Variants in SORCS2 observed in about 807,000 individuals in gnomAD.
SORCS2 encodes the protein sortilin related VPS10 domain containing receptor 2, also known as VPS10 domain-containing receptor SorCS2.
A neutral mutation model predicts 141.6 loss-of-function variants in SORCS2; 100 were observed. The observed-to-expected ratio is 0.71, with a 90% CI of 0.60 to 0.83. The LOEUF (loss-of-function observed/expected upper bound fraction) is 0.83. Among genes scored for constraint, SORCS2 ranks in the 40% least tolerant of loss-of-function variants. The pLI, the probability that SORCS2 is intolerant of heterozygous loss-of-function variation, is 0.00. For synonymous variants in SORCS2, 789 were observed against 676.9 expected, an observed-to-expected ratio of 1.17 and a Z score of -2.57; for missense variants, 1,646 against 1,560.2, an observed-to-expected ratio of 1.05 and a Z score of -0.93.
intron 1 of SORCS2, among the ~76,000 whole-genome samples, chr4:7,199,499 G>T (rs1727368510): frequency 6.6e-6 from 1 of 152,120 alleles, no homozygotes; most frequent in African/African-American, 2.4e-5. Flanking sequence ...CGTGGCCATT[G>T]CCTGTGCTGT....
intron 3 of SORCS2, among the ~76,000 whole-genome samples, chr4:7,538,723 G>A (rs982121893): frequency 6.6e-6 from 1 of 152,160 alleles, no homozygotes; most frequent in East Asian, 1.9e-4. Context: ...GATATGAGAA[G>A]CACAGGGTTA....
chr4:7,422,201 C>G (rs749061800), intron 2 of SORCS2, among the ~76,000 whole-genome samples: 2 of 152,236 alleles, frequency 1.3e-5, no homozygotes, highest in Non-Finnish European at 2.9e-5. Flanking sequence ...CATCCATTCT[C>G]TGACCTTCTC....
At chr4:7,724,313 G>GTGGTGGTGATAATGGTGACAATGGTGA (rs1726872276) in intron 19 of SORCS2, among the ~76,000 whole-genome samples, 1 of 138,842 alleles carries the variant, frequency 7.2e-6, no homozygotes, top group Non-Finnish European at 1.6e-5. Flanking sequence ...AATGGTGGTG[G>GTGGTGGTGATAATGGTGACAATGGTGA]TGGTGGTGGT....
At chr4:7,362,950 TCAC>T (rs367942301) in intron 1 of SORCS2, among the ~76,000 whole-genome samples, 4,751 of 48,062 alleles carry the variant, frequency 0.099, 288 homozygotes, top group African/African-American at 0.18. Flanking sequence ...AACATCACCA[TCAC>T]CACCATCATT....
At chr4:7,434,768 G>A (rs1727178019) in intron 2 of SORCS2, 1 of 1,612,728 alleles carries the variant, frequency 6.2e-7, no homozygotes, top group Non-Finnish European at 8.5e-7. Flanking sequence ...GCAGCTGTCT[G>A]CAGATCCTGA....
chr4:7,401,345 G>A (rs1478520983), intron 2 of SORCS2, among the ~76,000 whole-genome samples: 1 of 152,030 alleles, frequency 6.6e-6, no homozygotes, highest in African/African-American at 2.4e-5. Context: ...ATGGGTGGAT[G>A]GACTGATGGA....
At position 7,344,000 on chromosome 4, in the gene SORCS2, C is replaced by T. The variant is rs568503772; in HGVS notation, c.481-52288C>T. 4.6e-5 allele frequency among the ~76,000 whole-genome samples: 7 copies of T among 152,312 alleles called. No homozygotes were observed. The East Asian group carries it at 1.4e-3, about 29-fold the overall frequency. On this transcript the variant is annotated intron_variant, in intron 1 of 26. Coordinates refer to ENST00000507866, the MANE Select transcript of SORCS2 (RefSeq NM_020777.3). ...TGTGGTTGGGAGGATTAGTTGGCTT[C>T]TAGGCCCTGGTACAGATCCAAGTTG... is the stretch of plus-strand genomic sequence containing the variant.
chr4:7,633,967 G>A (rs1430632806), intron 3 of SORCS2, among the ~76,000 whole-genome samples: 1 of 121,608 alleles, frequency 8.2e-6, no homozygotes, highest in African/African-American at 2.6e-5. Context: ...CTGGCCAAAT[G>A]GCACAGACGT....
chr4:7,724,921 G>GGT lies in SORCS2; in HGVS notation c.2612-232_2612-231insTG, dbSNP rs1560115089. Among the ~76,000 whole-genome samples, 165 of 38,756 alleles carry GGT rather than the reference G, an allele frequency of 4.3e-3. 18 individuals are homozygous for GGT. Among genetic ancestry groups the GGT allele is most frequent in the East Asian group, 0.012 (15 of 1,242 alleles). The allele number at this position is 38,756 out of a possible 152,430, so 25.4% of individuals were successfully genotyped here. Reference sequence around the variant, plus strand: ...TGGTGGTGATAGTATTGGTGGGAATGGATGGTGGTAGTAGTGGTGATGGTG... The same window carrying GGT: ...TGGTGGTGATAGTATTGGTGGGAATGGTGATGGTGGTAGTAGTGGTGATGGTG... On this transcript the variant is annotated intron_variant, in intron 19 of 26. Coordinates refer to ENST00000507866, the MANE Select transcript of SORCS2 (RefSeq NM_020777.3).
chr4:7,382,424 C>CAG (rs918929803), intron 1 of SORCS2, among the ~76,000 whole-genome samples: 1 of 152,116 alleles, frequency 6.6e-6, no homozygotes, highest in African/African-American at 2.4e-5. Context: ...GTGCAGAGAA[C>CAG]AGGCCCCTCC....
intron 4 of SORCS2, among the ~76,000 whole-genome samples, chr4:7,642,522 A>T (rs1262650761): frequency 6.6e-6 from 1 of 152,218 alleles, no homozygotes; most frequent in Non-Finnish European, 1.5e-5. Context: ...AACAATGACA[A>T]GAGGGCTTTA....
At chr4:7,560,836 C>T (rs529322995) in intron 3 of SORCS2, among the ~76,000 whole-genome samples, 129 of 152,148 alleles carry the variant, frequency 8.5e-4, no homozygotes, top group Non-Finnish European at 1.4e-3. Context: ...TTGATAATCT[C>T]TGAGAGTTAG....
intron 3 of SORCS2, among the ~76,000 whole-genome samples, chr4:7,569,340 G>A (rs957452222): frequency 6.6e-5 from 10 of 152,064 alleles, no homozygotes; most frequent in African/African-American, 1.9e-4. Context: ...GTGAAACCCC[G>A]TCTCTACTAA....
chr4:7,724,330 G>A (rs1203724728), intron 19 of SORCS2, among the ~76,000 whole-genome samples: 1 of 148,300 alleles, frequency 6.7e-6, no homozygotes, highest in South Asian at 2.2e-4. Context: ...TGGTGATAGG[G>A]TGATGGTGAT....
At chr4:7,738,974 G>A (rs993181674) in intron 26 of SORCS2, among the ~76,000 whole-genome samples, 7 of 152,092 alleles carry the variant, frequency 4.6e-5, no homozygotes, top group East Asian at 1.9e-4. Flanking sequence ...GGCGTGATGC[G>A]TCTGTAGACT....
intron 1 of SORCS2, among the ~76,000 whole-genome samples, chr4:7,331,562 G>A (rs1719657319): frequency 6.6e-6 from 1 of 152,140 alleles, no homozygotes; most frequent in African/African-American, 2.4e-5. Flanking sequence ...GCAAGTGAGG[G>A]ATTGAGAAAC....
chr4:7,299,136 G>A (rs528935117), intron 1 of SORCS2, among the ~76,000 whole-genome samples: 115 of 152,368 alleles, frequency 7.5e-4, no homozygotes, highest in African/African-American at 2.4e-3. Flanking sequence ...AGGAATTAGC[G>A]TGAGGTGGGA....
chr4:7,628,054 T>C (rs1175650269), intron 3 of SORCS2, among the ~76,000 whole-genome samples: 1 of 152,242 alleles, frequency 6.6e-6, no homozygotes, highest in East Asian at 1.9e-4. Context: ...GTCTCCACTC[T>C]TGTGCCTGTC....
chr4:7,282,457 A>C (rs1486979622), intron 1 of SORCS2, among the ~76,000 whole-genome samples: 2 of 152,180 alleles, frequency 1.3e-5, no homozygotes, highest in African/African-American at 2.4e-5. Flanking sequence ...ACAGGGTATA[A>C]ATGAACTCAG....
Sources: gnomAD v4.1 joint callset for allele counts (sites outside exome capture counted in the v4.1 genomes callset) on GRCh38, gnomAD v4.1.1 for gene constraint, MANE v1.5 for transcripts, NCBI Gene and HGNC (gene_info 2026-07-23, HGNC 2026-07-21) for gene names.